The following C1QTNF9 variants were observed in gnomAD, a reference collection of about 807,000 sequenced individuals.
C1QTNF9 encodes complement C1q and tumor necrosis factor-related protein 9A.
Under a neutral mutation model 10.1 loss-of-function variants are expected in C1QTNF9, and 6 were observed. That is an observed-to-expected ratio of 0.59 (90% confidence interval 0.32 to 1.17). The LOEUF (loss-of-function observed/expected upper bound fraction) is 1.17, where lower values mean the gene tolerates loss of function less well. Among genes scored for constraint, C1QTNF9 ranks in the 50% most tolerant of loss-of-function variants. The pLI is 0.04. For synonymous variants in C1QTNF9, 98 were observed against 163.5 expected, an observed-to-expected ratio of 0.60 and a Z score of 3.06; for missense variants, 201 against 418.8, an observed-to-expected ratio of 0.48 and a Z score of 4.54.
chr13:24,310,681 A>C (rs1017103801), intron 1 of C1QTNF9, among the ~76,000 whole-genome samples: 2 of 151,556 alleles, frequency 1.3e-5, no homozygotes, highest in Non-Finnish European at 2.9e-5. Context: ...TGGGAGGCTG[A>C]GGCGGGTGGA....
At chr13:24,318,822 A>T in exon 3 of C1QTNF9, 1 of 1,614,266 alleles carries the variant, frequency 6.2e-7, no homozygotes, top group Non-Finnish European at 8.5e-7. Flanking sequence ...ACCTAGGAGA[A>T]CCAGGACGTC....
rs115854039 is a variant in C1QTNF9 at position 24,315,362 on chromosome 13, T to C, written c.-22-620T>C. Among the ~76,000 whole-genome samples, 1,214 of 152,356 alleles carry C rather than the reference T, an allele frequency of 8.0e-3. 13 individuals are homozygous for C. The highest frequency in any genetic ancestry group is 0.028 in the African/African-American group (1,152 of 41,584). On this transcript the variant is annotated intron_variant, in intron 1 of 3. Transcript: ENST00000332018. ...ATAATGTTCTCGAGGTCCATTCATG[T>C]TGTAACATGTGTCAGAATTTCTTCT... is the stretch of plus-strand genomic sequence containing the variant.
chr13:24,314,147 C>A (rs1285752151), intron 1 of C1QTNF9, among the ~76,000 whole-genome samples: 2 of 152,134 alleles, frequency 1.3e-5, no homozygotes. Flanking sequence ...TTTAACTTTT[C>A]CAGAAAGATG....
intron 1 of C1QTNF9, among the ~76,000 whole-genome samples, chr13:24,311,745 T>C (rs1475287874): frequency 6.6e-6 from 1 of 152,214 alleles, no homozygotes; most frequent in Non-Finnish European, 1.5e-5. Context: ...TATTTCTGTT[T>C]CATATGCTTA....
At chr13:24,308,910 C>T (rs1183293368), upstream of C1QTNF9, among the ~76,000 whole-genome samples, 1 of 152,176 alleles carries the variant, frequency 6.6e-6, no homozygotes, top group African/African-American at 2.4e-5. Flanking sequence ...TGGCATTGAA[C>T]AAATGGTTGC....
At chr13:24,314,051 G>C (rs868670714) in intron 1 of C1QTNF9, among the ~76,000 whole-genome samples, 75 of 152,196 alleles carry the variant, frequency 4.9e-4, no homozygotes, top group African/African-American at 1.8e-3. Flanking sequence ...GCAGGTAATG[G>C]CACACAATTG....
At chr13:24,307,782 G>A (rs1174945964), upstream of C1QTNF9, among the ~76,000 whole-genome samples, 2 of 152,208 alleles carry the variant, frequency 1.3e-5, no homozygotes, top group Non-Finnish European at 2.9e-5. Flanking sequence ...GTGGGGAGAT[G>A]ACCGTTAGGT....
chr13:24,313,166 A>G (rs952333849), intron 1 of C1QTNF9, among the ~76,000 whole-genome samples: 7 of 152,200 alleles, frequency 4.6e-5, no homozygotes, highest in African/African-American at 1.7e-4. Flanking sequence ...TTTGCTACGT[A>G]TTTGGGAGAA....
exon 4 of C1QTNF9, chr13:24,322,322 A>G (rs971827889): frequency 2.0e-5 from 3 of 152,646 alleles, no homozygotes; most frequent in East Asian, 1.9e-4. Context: ...TGCTGTATCT[A>G]TCAACCCATC....
intron 3 of C1QTNF9, among the ~76,000 whole-genome samples, chr13:24,319,854 C>A (rs372525333): frequency 6.6e-6 from 1 of 152,174 alleles, no homozygotes; most frequent in South Asian, 2.1e-4. Context: ...TATCCCCAGA[C>A]GCTAGGTAGT....
chr13:24,314,176 T>C (rs1214557012), intron 1 of C1QTNF9, among the ~76,000 whole-genome samples: 1 of 152,182 alleles, frequency 6.6e-6, no homozygotes, highest in Non-Finnish European at 1.5e-5. Context: ...TACATGGCTA[T>C]CAGCACTGTG....
intron 1 of C1QTNF9, among the ~76,000 whole-genome samples, chr13:24,312,848 G>A (rs1402238973): frequency 2.0e-5 from 3 of 151,816 alleles, no homozygotes; most frequent in Non-Finnish European, 2.9e-5. Flanking sequence ...CCAGCTACTC[G>A]GGAGGCTGAG....
intron 1 of C1QTNF9, among the ~76,000 whole-genome samples, chr13:24,313,097 T>A (rs7337954): frequency 0.46 from 70,635 of 152,012 alleles, 16,566 homozygotes; most frequent in East Asian, 0.57. Flanking sequence ...CATGAGACTG[T>A]ATCTCTATAA....
At chr13:24,321,444 C>A in exon 4 of C1QTNF9, 1 of 1,612,972 alleles carries the variant, frequency 6.2e-7, no homozygotes, top group African/African-American at 1.3e-5. Flanking sequence ...TTGATAAGAT[C>A]CTGTATAACG....
intron 1 of C1QTNF9, 119 bp from the exon 2 acceptor site, chr13:24,315,863 G>C (rs112601619): frequency 0.068 from 70,595 of 1,043,082 alleles, 4,773 homozygotes; most frequent in Middle Eastern, 0.14. Context: ...CCAAGTTTGT[G>C]CAGGTGTGGG....
intron 2 of C1QTNF9, among the ~76,000 whole-genome samples, chr13:24,317,136 A>G (rs1226160610): frequency 6.6e-6 from 1 of 152,158 alleles, no homozygotes; most frequent in Non-Finnish European, 1.5e-5. Context: ...CCTGGCTCAC[A>G]TCTCCAGCTC....
chr13:24,308,695 C>T (rs1462801346), upstream of C1QTNF9, among the ~76,000 whole-genome samples: 2 of 151,848 alleles, frequency 1.3e-5, no homozygotes, highest in Non-Finnish European at 2.9e-5. Flanking sequence ...CGCCGCCGAG[C>T]TGGGGTGAGC....
chr13:24,313,645 C>T (rs1877920373), intron 1 of C1QTNF9, among the ~76,000 whole-genome samples: 1 of 152,154 alleles, frequency 6.6e-6, no homozygotes, highest in Non-Finnish European at 1.5e-5. Context: ...TTAGACTGCT[C>T]CCTGTGACAT....
At chr13:24,317,306 G>A (rs1196344556) in intron 2 of C1QTNF9, among the ~76,000 whole-genome samples, 3 of 150,974 alleles carry the variant, frequency 2.0e-5, no homozygotes, top group African/African-American at 7.3e-5. Flanking sequence ...GAATATATAA[G>A]ATTTTCATTT....
Sources: allele counts gnomAD v4.1 joint callset (sites outside exome capture counted in the v4.1 genomes callset), GRCh38; gene constraint gnomAD v4.1.1; transcripts MANE v1.5; gene names NCBI Gene and HGNC (gene_info 2026-07-23, HGNC 2026-07-21).